Variants in LINGO2 observed in about 807,000 individuals in gnomAD.
LINGO2 encodes the protein leucine-rich repeat and immunoglobulin-like domain-containing nogo receptor-interacting protein 2.
In LINGO2, 14 loss-of-function variants were observed where a neutral mutation model predicts 30.6. The observed-to-expected ratio is 0.46, with a 90% confidence interval of 0.30 to 0.72. LINGO2 has a LOEUF of 0.72. LINGO2 is among the 30% of genes least tolerant of loss of function. The probability of loss-of-function intolerance (pLI) is 0.07; values close to 1 mark genes in which losing one functional copy is unlikely to be tolerated. For missense variants in LINGO2, 729 were observed against 751.7 expected (o/e 0.97, Z 0.35); for synonymous variants, 317 against 288.5 (o/e 1.10, Z -1.00).
At chr9:28,833,975 G>A in the LINGO2 span, among the ~76,000 whole-genome samples, 2 of 150,806 alleles carry the variant, frequency 1.3e-5, no homozygotes, top group Admixed American at 1.3e-4. Flanking sequence ...CACTTTTTTA[G>A]CCTGCACAAT....
intron 4 of LINGO2, among the ~76,000 whole-genome samples, chr9:28,219,327 G>A (rs1035707559): frequency 1.4e-4 from 22 of 152,108 alleles, no homozygotes; most frequent in Admixed American, 1.2e-3. Context: ...TCTTTAGCCT[G>A]CATAAAAAAT....
intron 4 of LINGO2, among the ~76,000 whole-genome samples, chr9:28,055,513 A>G (rs1179066235): frequency 6.6e-6 from 1 of 152,192 alleles, no homozygotes; most frequent in Admixed American, 6.6e-5. Flanking sequence ...GGAAAATGTA[A>G]GGTACTTCTG....
chr9:28,340,554 A>C (rs547559787), intron 3 of LINGO2, among the ~76,000 whole-genome samples: 7 of 152,084 alleles, frequency 4.6e-5, no homozygotes, highest in Non-Finnish European at 7.4e-5. Context: ...GGTAAGGGGA[A>C]TCTATTAGCA....
chr9:28,572,665 A>T (rs1272917852), intron 1 of LINGO2, among the ~76,000 whole-genome samples: 1 of 150,356 alleles, frequency 6.7e-6, no homozygotes, highest in Non-Finnish European at 1.5e-5. Flanking sequence ...GCGCTCTTGA[A>T]TAGCAAAATG....
chr9:28,067,992 A>G (rs1357467396), intron 4 of LINGO2, among the ~76,000 whole-genome samples: 1 of 152,120 alleles, frequency 6.6e-6, no homozygotes, highest in Non-Finnish European at 1.5e-5. Context: ...CTTGTCTCAG[A>G]AAATATACTC....
chr9:28,843,621 G>A, the LINGO2 span, among the ~76,000 whole-genome samples: 5 of 151,788 alleles, frequency 3.3e-5, no homozygotes, highest in Non-Finnish European at 4.4e-5. Flanking sequence ...AAAGGGGAGG[G>A]ATGGAGGGAG....
At chr9:28,001,881 G>A (rs934467043) in intron 5 of LINGO2, among the ~76,000 whole-genome samples, 1 of 152,112 alleles carries the variant, frequency 6.6e-6, no homozygotes, top group Admixed American at 6.5e-5. Context: ...GCAATGACAA[G>A]TATTTATCAA....
At chr9:28,032,240 C>G (rs1823715247) in intron 4 of LINGO2, among the ~76,000 whole-genome samples, 1 of 152,048 alleles carries the variant, frequency 6.6e-6, no homozygotes, top group Non-Finnish European at 1.5e-5. Context: ...AACCCAGGTC[C>G]AGGTGCAGGC....
At chr9:28,122,355 C>T (rs934292207) in intron 4 of LINGO2, among the ~76,000 whole-genome samples, 1 of 152,058 alleles carries the variant, frequency 6.6e-6, no homozygotes, top group Non-Finnish European at 1.5e-5. Flanking sequence ...TATATAAACA[C>T]ACGGATTAGA....
intron 1 of LINGO2, among the ~76,000 whole-genome samples, chr9:28,660,026 T>C (rs925022801): frequency 6.6e-6 from 1 of 152,158 alleles, no homozygotes; most frequent in Non-Finnish European, 1.5e-5. Flanking sequence ...GCAACGTCAG[T>C]GACCAATATG....
intron 2 of LINGO2, among the ~76,000 whole-genome samples, chr9:28,438,781 G>A (rs1043032648): frequency 6.7e-6 from 1 of 149,564 alleles, no homozygotes; most frequent in South Asian, 2.1e-4. Flanking sequence ...AAAGCCAGCT[G>A]TGGAAGATAG....
chr9:28,571,356 T>C (rs1823679849), intron 1 of LINGO2, among the ~76,000 whole-genome samples: 1 of 152,058 alleles, frequency 6.6e-6, no homozygotes, highest in South Asian at 2.1e-4. Flanking sequence ...ACATGTTTAA[T>C]TACTGGTATT....
chr9:28,535,202 T>A (rs2135440883), intron 1 of LINGO2, among the ~76,000 whole-genome samples: 1 of 152,298 alleles, frequency 6.6e-6, no homozygotes, highest in African/African-American at 2.4e-5. Context: ...TTATCATATT[T>A]ATACAATGGA....
chr9:28,696,885 G>T, the LINGO2 span, among the ~76,000 whole-genome samples: 1 of 151,766 alleles, frequency 6.6e-6, no homozygotes, highest in East Asian at 1.9e-4. Context: ...AACAATATAC[G>T]TTTTGTGCTA....
chr9:28,770,839 G>A, the LINGO2 span, among the ~76,000 whole-genome samples: 1 of 152,102 alleles, frequency 6.6e-6, no homozygotes, highest in Non-Finnish European at 1.5e-5. Flanking sequence ...GATGTTCCAG[G>A]AAGTCACTGT....
chr9:28,591,178 G>A (rs1231605560), intron 1 of LINGO2, among the ~76,000 whole-genome samples: 1 of 151,870 alleles, frequency 6.6e-6, no homozygotes, highest in Admixed American at 6.6e-5. Flanking sequence ...GGAGGCGGGA[G>A]GGATAGCATT....
chr9:28,628,308 T>C (rs1746542507), intron 1 of LINGO2, among the ~76,000 whole-genome samples: 1 of 152,084 alleles, frequency 6.6e-6, no homozygotes, highest in Admixed American at 6.6e-5. Flanking sequence ...GTTAAGATTA[T>C]CACCATGTTC....
chr9:28,740,926 G>GTCCACAGATTCA, the LINGO2 span, among the ~76,000 whole-genome samples: 5 of 151,998 alleles, frequency 3.3e-5, no homozygotes, highest in Admixed American at 2.6e-4. Context: ...TGAATCCTGA[G>GTCCACAGATTCA]TCCACAGAGG....
At chr9:28,593,826 A>G (rs981177725) in intron 1 of LINGO2, among the ~76,000 whole-genome samples, 3 of 152,058 alleles carry the variant, frequency 2.0e-5, no homozygotes, top group African/African-American at 7.2e-5. Context: ...TTTAATTCCA[A>G]AGAACATTAC....
Sources: gnomAD v4.1 joint callset for allele counts (sites outside exome capture counted in the v4.1 genomes callset) on GRCh38, gnomAD v4.1.1 for gene constraint, MANE v1.5 for transcripts, NCBI Gene and HGNC (gene_info 2026-07-23, HGNC 2026-07-21) for gene names.